Variants in DDX60L observed in about 807,000 individuals in gnomAD.
DDX60L encodes the protein DExD/H-box 60 like.
In DDX60L, 191 loss-of-function variants were observed where a neutral mutation model predicts 211.6. The observed-to-expected ratio is 0.90, with a 90% confidence interval of 0.80 to 1.02. The LOEUF (loss-of-function observed/expected upper bound fraction) is 1.02. DDX60L is among the 50% of genes least tolerant of loss of function. The pLI is 0.00. For missense variants in DDX60L, 2,007 were observed against 1,984.1 expected (o/e 1.01, Z -0.22); for synonymous variants, 706 against 694.1 (o/e 1.02, Z -0.27).
intron 10 of DDX60L, among the ~76,000 whole-genome samples, chr4:168,437,709 C>T (rs560265284): frequency 6.6e-6 from 1 of 152,276 alleles, no homozygotes; most frequent in African/African-American, 2.4e-5. Context: ...GATCTAAGGC[C>T]ATGCCAGTCA....
chr4:168,390,206 T>C, intron 29 of DDX60L: 1 of 1,022,444 alleles, frequency 9.8e-7, no homozygotes, highest in Non-Finnish European at 1.2e-6. Flanking sequence ...AAATAAATGA[T>C]GTTGGATTTC....
At chr4:168,390,628 G>C (rs917162012) in intron 29 of DDX60L, 1 of 630,790 alleles carries the variant, frequency 1.6e-6, no homozygotes, top group Non-Finnish European at 2.3e-6. Context: ...ACTAGGCAAA[G>C]ATTATTGTCA....
chr4:168,429,276 C>A (rs1751963939), intron 13 of DDX60L, among the ~76,000 whole-genome samples: 1 of 152,096 alleles, frequency 6.6e-6, no homozygotes, highest in South Asian at 2.1e-4. Flanking sequence ...TCCTGAGTAG[C>A]TGGGATTACA....
chr4:168,408,538 GATC>G (rs1748141144), intron 22 of DDX60L, among the ~76,000 whole-genome samples: 5 of 151,844 alleles, frequency 3.3e-5, no homozygotes, highest in Admixed American at 3.3e-4. Flanking sequence ...ATATATAAAA[GATC>G]ATTATATGGT....
chr4:168,376,788 C>G (rs138739674), intron 33 of DDX60L, among the ~76,000 whole-genome samples: 2 of 152,276 alleles, frequency 1.3e-5, no homozygotes, highest in Non-Finnish European at 2.9e-5. Flanking sequence ...CTATACAGCC[C>G]CATCAGGAGA....
At chr4:168,452,043 T>A (rs1755874580) in intron 8 of DDX60L, among the ~76,000 whole-genome samples, 1 of 152,198 alleles carries the variant, frequency 6.6e-6, no homozygotes, top group South Asian at 2.1e-4. Flanking sequence ...ACCTTTGTAA[T>A]CATTTTACTG....
At chr4:168,394,645 T>G in intron 27 of DDX60L, 28 bp from the exon 28 acceptor site, 4 of 1,560,932 alleles carry the variant, frequency 2.6e-6, no homozygotes, top group Non-Finnish European at 3.5e-6. Context: ...TGTAAAACAA[T>G]TGATGATGTA....
chr4:168,465,026 G>A (rs1353446220), intron 4 of DDX60L, among the ~76,000 whole-genome samples: 3 of 151,994 alleles, frequency 2.0e-5, no homozygotes, highest in African/African-American at 7.2e-5. Flanking sequence ...TAGTGGAGTT[G>A]CTGGTTCATA....
At chr4:168,442,246 G>A (rs919980963) in intron 9 of DDX60L, among the ~76,000 whole-genome samples, 2 of 152,130 alleles carry the variant, frequency 1.3e-5, no homozygotes, top group Admixed American at 1.3e-4. Context: ...GGTGACGGAC[G>A]GCACCTGGAA....
At chr4:168,361,340 C>G in intron 36 of DDX60L, 129 bp from the exon 37 acceptor site, 1 of 596,064 alleles carries the variant, frequency 1.7e-6, no homozygotes, top group South Asian at 2.3e-5. Context: ...GTTAAGCATT[C>G]TATTGTATTA....
chr4:168,363,084 G>A (rs574016483), intron 36 of DDX60L, among the ~76,000 whole-genome samples: 3 of 152,188 alleles, frequency 2.0e-5, no homozygotes, highest in East Asian at 3.9e-4. Flanking sequence ...CACACATAAC[G>A]GAATCCTCAT....
At chr4:168,480,284 GTCCATCTGGATGTTGAAGGA>G (rs1760261399) in intron 1 of DDX60L, 73 bp downstream of exon 1, 2 of 152,392 alleles carry the variant, frequency 1.3e-5, no homozygotes, top group Non-Finnish European at 2.9e-5. Flanking sequence ...TCCCCGCCCG[GTCCATCTGGATGTTGAAGGA>G]ATCCTAGAAC....
intron 29 of DDX60L, among the ~76,000 whole-genome samples, chr4:168,386,218 G>A (rs1260801955): frequency 2.8e-4 from 43 of 152,112 alleles, no homozygotes; most frequent in Admixed American, 2.7e-3. Flanking sequence ...GGCTGGAAGC[G>A]GGGAATTCCA....
At chr4:168,418,254 G>C (rs1042840022) in intron 19 of DDX60L, among the ~76,000 whole-genome samples, 13 of 152,146 alleles carry the variant, frequency 8.5e-5, no homozygotes, top group African/African-American at 3.1e-4. Context: ...TTGTAGTAGA[G>C]ACGGGGTTTC....
Position 168,390,561 on chromosome 4 carries a change from C to T in DDX60L, c.3915+979G>A, listed in dbSNP as rs375077128. ...TTTGAATAAGAAAAGAGGAAAATTT[C>T]AAGAATAAGCAAAATGATAAAATTT... is the stretch of plus-strand genomic sequence containing the variant. On this transcript the variant is annotated intron_variant, in intron 29 of 37. Coordinates refer to ENST00000682922, the MANE Select transcript of DDX60L (RefSeq NM_001012967.3). The T allele has an allele frequency of 1.5e-4, 160 of 1,098,682 alleles. No individual in the cohort carries two copies. In the East Asian group the frequency reaches 2.9e-3, roughly 20 times the overall value. 68.1% of individuals were successfully genotyped at this position (1,098,682 alleles called of 1,614,324 possible).
At chr4:168,449,637 C>CAAAAAAAAAATAAAAAA (rs1755407799) in intron 8 of DDX60L, among the ~76,000 whole-genome samples, 1 of 44,842 alleles carries the variant, frequency 2.2e-5, no homozygotes, top group Admixed American at 3.1e-4. Context: ...AACATTAAAA[C>CAAAAAAAAAATAAAAAA]AAAAAAAAAA....
chr4:168,449,605 T>TA (rs1198689827), intron 8 of DDX60L, among the ~76,000 whole-genome samples: 2 of 59,096 alleles, frequency 3.4e-5, no homozygotes, highest in Admixed American at 2.5e-4. Flanking sequence ...CCCTAAAACT[T>TA]AGAGTATAAT....
At chr4:168,359,387 A>C (rs1429898356) in intron 37 of DDX60L, among the ~76,000 whole-genome samples, 2 of 152,178 alleles carry the variant, frequency 1.3e-5, no homozygotes, top group Admixed American at 1.3e-4. Context: ...AGTCATCATC[A>C]TGTATTCCCT....
chr4:168,446,702 A>G (rs1385689860), intron 9 of DDX60L, among the ~76,000 whole-genome samples: 1 of 148,798 alleles, frequency 6.7e-6, no homozygotes, highest in Non-Finnish European at 1.5e-5. Context: ...AATGGAACAG[A>G]ACAGAGCCCT....
Sources: allele counts gnomAD v4.1 joint callset (sites outside exome capture counted in the v4.1 genomes callset), GRCh38; gene constraint gnomAD v4.1.1; transcripts MANE v1.5; gene names NCBI Gene and HGNC (gene_info 2026-07-23, HGNC 2026-07-21).